The following SPON1 variants were observed in gnomAD, a reference collection of about 807,000 sequenced individuals.
SPON1 encodes the protein spondin-1.
SPON1 carries 52 observed loss-of-function variants against 111.7 expected under a neutral mutation model. The ratio of observed to expected loss-of-function variants is 0.47; its 90% CI spans 0.37 to 0.59. SPON1 has a LOEUF of 0.59. Among genes scored for constraint, SPON1 ranks in the 20% least tolerant of loss-of-function variants. The pLI, the probability that SPON1 is intolerant of heterozygous loss-of-function variation, is 0.00. For missense variants in SPON1, 957 were observed against 1,068.5 expected, an observed-to-expected ratio of 0.90 and a Z score of 1.46; for synonymous variants, 410 against 395.8, an observed-to-expected ratio of 1.04 and a Z score of -0.43.
At chr11:14,040,493 T>C (rs1338153169) in intron 2 of SPON1, among the ~76,000 whole-genome samples, 1 of 152,114 alleles carries the variant, frequency 6.6e-6, no homozygotes, top group African/African-American at 2.4e-5. Context: ...ATAAAAAGTA[T>C]AAAGATAAAA....
intron 2 of SPON1, among the ~76,000 whole-genome samples, chr11:14,035,889 G>T (rs940202314): frequency 6.6e-6 from 1 of 152,068 alleles, no homozygotes; most frequent in Non-Finnish European, 1.5e-5. Flanking sequence ...AAGTGCTGGG[G>T]TTACAGGCAT....
chr11:13,989,499 C>T (rs188100425), intron 2 of SPON1, among the ~76,000 whole-genome samples: 162 of 152,292 alleles, frequency 1.1e-3, no homozygotes, highest in African/African-American at 3.6e-3. Context: ...AAAACAGCTC[C>T]TGGATTCATT....
chr11:14,206,769 G>A (rs781889527), intron 6 of SPON1, among the ~76,000 whole-genome samples: 4 of 152,086 alleles, frequency 2.6e-5, no homozygotes, highest in Admixed American at 6.5e-5. Flanking sequence ...CCATGCCCGT[G>A]GATAGGGAAG....
chr11:14,161,481 G>A (rs1554931329), intron 6 of SPON1, among the ~76,000 whole-genome samples: 1 of 150,556 alleles, frequency 6.6e-6, no homozygotes, highest in Non-Finnish European at 1.5e-5. Flanking sequence ...ATCACACCCA[G>A]ATAATTTTTA....
chr11:14,263,053 T>TAAAAAA, intron 15 of SPON1, 78 bp downstream of exon 15: 6 of 952,296 alleles, frequency 6.3e-6, no homozygotes, highest in South Asian at 2.1e-5. Context: ...TGGACCTGTT[T>TAAAAAA]AAAAAAAAAA....
chr11:14,138,392 A>G (rs1191705969), intron 6 of SPON1, among the ~76,000 whole-genome samples: 3 of 152,222 alleles, frequency 2.0e-5, no homozygotes, highest in African/African-American at 7.2e-5. Flanking sequence ...ACTGTTGAGT[A>G]TAAATTTTAA....
chr11:14,230,690 A>G (rs1340772522), intron 6 of SPON1, among the ~76,000 whole-genome samples: 2 of 152,196 alleles, frequency 1.3e-5, no homozygotes, highest in Admixed American at 6.5e-5. Flanking sequence ...ATGACTAACC[A>G]GTTGAGAAAA....
chr11:13,973,351 G>C (rs1591336777), intron 1 of SPON1, among the ~76,000 whole-genome samples: 2 of 152,324 alleles, frequency 1.3e-5, no homozygotes, highest in Admixed American at 6.5e-5. Context: ...CAGAGTAGGG[G>C]CAGCAGTGGG....
chr11:14,022,246 C>A (rs950533428), intron 2 of SPON1, among the ~76,000 whole-genome samples: 2 of 152,172 alleles, frequency 1.3e-5, no homozygotes, highest in African/African-American at 4.8e-5. Context: ...CAGCTGAGCT[C>A]CCAAGTACAG....
intron 6 of SPON1, among the ~76,000 whole-genome samples, chr11:14,190,498 A>C (rs543790418): frequency 1.0e-3 from 122 of 118,842 alleles, no homozygotes; most frequent in Middle Eastern, 4.2e-3. Context: ...TTCCTTCTTT[A>C]CTTCCTTCCT....
intron 2 of SPON1, among the ~76,000 whole-genome samples, chr11:14,001,615 C>G (rs782238875): frequency 1.7e-4 from 26 of 152,130 alleles, no homozygotes; most frequent in Non-Finnish European, 4.4e-5. Flanking sequence ...AAAGATAGAC[C>G]GTTACCCTTT....
chr11:14,259,434 G>C lies in SPON1; in HGVS notation c.1647G>C (p.Thr549=), dbSNP rs373915195. Residue 549 remains threonine, a synonymous_variant, in exon 12 of 16, where the codon ACG becomes ACC. Coordinates refer to ENST00000576479, the MANE Select transcript of SPON1 (RefSeq NM_006108.4). The surrounding 1 kb of genome is among the most constrained non-coding windows in gnomAD (Gnocchi z 5.0). ...TLPTEETEKC[T]VNEECSPSSC... ...CCACTGAGGAAACGGAGAAGTGCACGGTCAACGAGGAGTGCTGTGAGTGGG... is the reference window on the plus strand; with the variant it reads ...CCACTGAGGAAACGGAGAAGTGCACCGTCAACGAGGAGTGCTGTGAGTGGG... The C allele has an allele frequency of 4.4e-6, 7 of 1,609,056 alleles. No homozygotes were observed. Among genetic ancestry groups the C allele is most frequent in the Non-Finnish European group, 5.9e-6 (7 of 1,178,134 alleles).
chr11:14,029,167 A>G (rs1848540572), intron 2 of SPON1, among the ~76,000 whole-genome samples: 1 of 151,954 alleles, frequency 6.6e-6, no homozygotes, highest in African/African-American at 2.4e-5. Context: ...GCCCAGTTCT[A>G]CTGGAGCCTG....
chr11:14,132,639 C>T (rs370766197), intron 5 of SPON1, among the ~76,000 whole-genome samples: 139 of 152,284 alleles, frequency 9.1e-4, no homozygotes, highest in Admixed American at 2.4e-3. Context: ...GTCCAGGGCC[C>T]GCCACTGTGC....
intron 6 of SPON1, among the ~76,000 whole-genome samples, chr11:14,166,478 T>C (rs769175575): frequency 4.6e-5 from 7 of 152,204 alleles, no homozygotes; most frequent in Non-Finnish European, 1.0e-4. Flanking sequence ...ATGAGAGTCC[T>C]AGAAGTTTGG....
intron 7 of SPON1, among the ~76,000 whole-genome samples, chr11:14,244,835 A>C (rs1848970319): frequency 6.6e-6 from 1 of 152,148 alleles, no homozygotes; most frequent in Non-Finnish European, 1.5e-5. Context: ...TCAAGTCCAC[A>C]CTCCTTAGTT....
At chr11:14,256,359 A>G (rs1230685179) in intron 9 of SPON1, among the ~76,000 whole-genome samples, 1 of 151,370 alleles carries the variant, frequency 6.6e-6, no homozygotes, top group Non-Finnish European at 1.5e-5. Context: ...GAGTTCTGCA[A>G]TTGATTACTA....
intron 15 of SPON1, among the ~76,000 whole-genome samples, chr11:14,264,572 C>CTGTT (rs1229020128): frequency 3.3e-5 from 5 of 152,214 alleles, no homozygotes; most frequent in Non-Finnish European, 5.9e-5. Context: ...GATTAGGGAG[C>CTGTT]TGTTTGCATA....
intron 3 of SPON1, among the ~76,000 whole-genome samples, chr11:14,042,614 G>A (rs1554917403): frequency 6.6e-6 from 1 of 152,072 alleles, no homozygotes; most frequent in South Asian, 2.1e-4. Flanking sequence ...TTTTTTAATG[G>A]AAGTAGGCAC....
Sources: gnomAD v4.1 joint callset for allele counts (sites outside exome capture counted in the v4.1 genomes callset) on GRCh38, gnomAD v4.1.1 for gene constraint, Gnocchi (gnomAD v3.1) non-coding constraint, MANE v1.5 for transcripts, NCBI Gene and HGNC (gene_info 2026-07-23, HGNC 2026-07-21) for gene names.